VLDLR: variants seen among roughly 807,000 people sequenced by gnomAD.
VLDLR encodes very low-density lipoprotein receptor.
Under a neutral mutation model 112.7 loss-of-function variants are expected in VLDLR, and 81 were observed. The observed-to-expected ratio is 0.72, with a 90% CI of 0.60 to 0.86. The LOEUF (loss-of-function observed/expected upper bound fraction) is 0.86, where lower values mean the gene tolerates loss of function less well. Among genes scored for constraint, VLDLR ranks in the 40% least tolerant of loss-of-function variants. The probability of loss-of-function intolerance (pLI) is 0.00; values close to 1 mark genes in which losing one functional copy is unlikely to be tolerated. For missense variants in VLDLR, 1,237 were observed against 1,099.4 expected (o/e 1.13, Z -1.77); for synonymous variants, 436 against 384.8 (o/e 1.13, Z -1.56).
rs1472137737 is a variant in VLDLR at position 2,656,029 on chromosome 9, A to C, written c.*2161A>C. On this transcript the variant is annotated 3_prime_UTR_variant, in exon 19 of 19. Transcript: ENST00000382100. ...TTGATACTATTGCTTTCCCCATTAT[A>C]AGGATTATACAGTATTAATTAATTA... 6.6e-6 allele frequency: 1 copy of C among 152,100 alleles called. No individual in the cohort carries two copies. Among genetic ancestry groups the C allele is most frequent in the Non-Finnish European group, 1.5e-5 (1 of 68,028 alleles). 9.4% of individuals were successfully genotyped at this position (152,100 alleles called of 1,614,324 possible).
Position 2,621,882 on chromosome 9 carries a change from C to T in VLDLR, c.-308C>T, listed in dbSNP as rs1489140896. The T allele has an allele frequency of 3.3e-6, 2 of 606,826 alleles. No homozygotes were observed. The highest frequency in any genetic ancestry group is 3.1e-6 in the Non-Finnish European group (1 of 325,970). The allele number at this position is 606,826 out of a possible 1,614,324, so 37.6% of individuals were successfully genotyped here. On this transcript the variant is annotated 5_prime_UTR_variant, in exon 1 of 19. Transcript: ENST00000382100. ...GCTCTCGGCTCCCCACCCCCTCTCCCTTCCCTCCTCTCCCCTTGCCTCCCC... is the reference window on the plus strand; with the variant it reads ...GCTCTCGGCTCCCCACCCCCTCTCCTTTCCCTCCTCTCCCCTTGCCTCCCC...
At chr9:2,623,252 C>T (rs925769749) in intron 1 of VLDLR, among the ~76,000 whole-genome samples, 2 of 152,218 alleles carry the variant, frequency 1.3e-5, no homozygotes, top group African/African-American at 4.8e-5. Flanking sequence ...TGGTCGTCAG[C>T]CACGTTCCCA....
chr9:2,658,278 C>A lies in VLDLR; in HGVS notation c.*4410C>A, dbSNP rs957680898. Reference sequence around the variant, plus strand: ...TAACAAACTGATAACAGTGGTGTTCCATCTCTCTATCATGTCTCCTGAGTC... The same window carrying A: ...TAACAAACTGATAACAGTGGTGTTCAATCTCTCTATCATGTCTCCTGAGTC... On this transcript the variant is annotated 3_prime_UTR_variant, in exon 19 of 19. Coordinates refer to ENST00000382100, the MANE Select transcript of VLDLR (RefSeq NM_003383.5). 6.6e-6 allele frequency: 1 copy of A among 152,136 alleles called. No individual in the cohort carries two copies. The highest frequency in any genetic ancestry group is 1.5e-5 in the Non-Finnish European group (1 of 68,034). The allele number at this position is 152,136 out of a possible 1,614,324, so 9.4% of individuals were successfully genotyped here.
At chr9:2,643,033 G>A in intron 4 of VLDLR, 127 bp from the exon 5 acceptor site, 1 of 1,414,732 alleles carries the variant, frequency 7.1e-7, no homozygotes, top group Non-Finnish European at 9.8e-7. Context: ...TAACTCCATT[G>A]TAGCCTTTAA....
chr9:2,622,160 G>T lies in VLDLR; in HGVS notation c.-30G>T. 6.8e-7 allele frequency: 1 copy of T among 1,475,118 alleles called. No individual in the cohort carries two copies. Among genetic ancestry groups the T allele is most frequent in the Non-Finnish European group, 8.9e-7 (1 of 1,118,460 alleles). The allele number at this position is 1,475,118 out of a possible 1,614,324, so 91.4% of individuals were successfully genotyped here. A position where few individuals can be genotyped will look rare whatever the true frequency, so the allele number is the denominator to read the frequency against. The stretch of plus-strand genomic sequence containing the variant: ...GTGCGGAGCGAACGGCGGCGGCGGC[G>T]GCGGCGGCGGCACCATCCAGGCGGG... On this transcript the variant is annotated 5_prime_UTR_variant, in exon 1 of 19. Transcript: ENST00000382100.
In VLDLR at chr9:2,623,078, A is replaced by G. The variant is rs886204789; in HGVS notation, c.82+807A>G. The stretch of plus-strand genomic sequence containing the variant: ...CCTCCTTCCCGGTGACGTTTCCTCG[A>G]GAGGAATTGAGTCCTAGGCTAGTGA... On this transcript the variant is annotated intron_variant, in intron 1 of 18. Transcript: ENST00000382100. Among the ~76,000 whole-genome samples, 3 of 152,184 alleles carry G rather than the reference A, an allele frequency of 2.0e-5. No homozygotes were observed. The East Asian group carries it at 5.8e-4, about 29-fold the overall frequency.
At position 2,650,716 on chromosome 9, in the gene VLDLR, A is replaced by T. The variant is rs113992002; in HGVS notation, c.2251+200A>T. ...TTTCAACATTAAATGAGTTTATAGG[A>T]GACTAAAGTGTCAACATACCTTACA... is the stretch of plus-strand genomic sequence containing the variant. On this transcript the variant is annotated intron_variant, in intron 15 of 18. Coordinates refer to ENST00000382100, the MANE Select transcript of VLDLR (RefSeq NM_003383.5). Among the ~76,000 whole-genome samples, 1,246 of 152,284 alleles carry T rather than the reference A, an allele frequency of 8.2e-3. 15 individuals are homozygous for T. The highest frequency in any genetic ancestry group is 0.028 in the African/African-American group (1,161 of 41,564).
chr9:2,647,659 G>C, intron 12 of VLDLR, 67 bp downstream of exon 12: 1 of 1,378,238 alleles, frequency 7.3e-7, no homozygotes, highest in Non-Finnish European at 1.0e-6. Context: ...TTATCTCCAT[G>C]GTGAATTCTG....
chr9:2,641,554 G>T (rs1817826296), intron 4 of VLDLR, 55 bp downstream of exon 4: 14 of 1,611,656 alleles, frequency 8.7e-6, no homozygotes, highest in Admixed American at 1.7e-5. Flanking sequence ...CTAAAGGAAG[G>T]GTGGGCAGGG....
At chr9:2,629,783 T>C (rs1817255799) in intron 1 of VLDLR, among the ~76,000 whole-genome samples, 1 of 152,182 alleles carries the variant, frequency 6.6e-6, no homozygotes, top group Non-Finnish European at 1.5e-5. Flanking sequence ...CCCGAACTAG[T>C]GTTTTTGTTG....
intron 17 of VLDLR, 82 bp from the exon 18 acceptor site, chr9:2,652,698 A>G: frequency 6.4e-7 from 1 of 1,570,934 alleles, no homozygotes. Flanking sequence ...GTCAATTATT[A>G]TGGATTCCTG....
intron 1 of VLDLR, among the ~76,000 whole-genome samples, chr9:2,623,265 T>G (rs1816921746): frequency 6.6e-6 from 1 of 152,196 alleles, no homozygotes; most frequent in African/African-American, 2.4e-5. Flanking sequence ...CGTTCCCACT[T>G]GGGGCCTCGT....
intron 1 of VLDLR, among the ~76,000 whole-genome samples, chr9:2,626,722 C>T (rs1054293785): frequency 1.3e-5 from 2 of 151,508 alleles, no homozygotes; most frequent in Admixed American, 6.6e-5. Flanking sequence ...TGTATGTAGA[C>T]GAGGTGGTGG....
intron 1 of VLDLR, among the ~76,000 whole-genome samples, chr9:2,622,760 C>T (rs1194820644): frequency 6.6e-6 from 1 of 152,132 alleles, no homozygotes; most frequent in African/African-American, 2.4e-5. Context: ...GCGCCAGGGG[C>T]CGGCCGGGCT....
chr9:2,625,059 C>T (rs534173573), intron 1 of VLDLR, among the ~76,000 whole-genome samples: 1 of 152,346 alleles, frequency 6.6e-6, no homozygotes, highest in African/African-American at 2.4e-5. Flanking sequence ...TGCTATTTAA[C>T]ACTAAACATT....
At chr9:2,651,317 C>T in intron 15 of VLDLR, 98 bp from the exon 16 acceptor site, 2 of 1,013,906 alleles carry the variant, frequency 2.0e-6, no homozygotes, top group Non-Finnish European at 3.1e-6. Flanking sequence ...TCTATTTTAC[C>T]TGGTTTTAAA....
At chr9:2,640,283 A>G (rs1391207994) in intron 3 of VLDLR, among the ~76,000 whole-genome samples, 1 of 152,240 alleles carries the variant, frequency 6.6e-6, no homozygotes, top group African/African-American at 2.4e-5. Flanking sequence ...ATGTCTGTTT[A>G]TAATAACTGA....
At chr9:2,651,066 A>G (rs1455772579) in intron 15 of VLDLR, among the ~76,000 whole-genome samples, 5 of 152,162 alleles carry the variant, frequency 3.3e-5, no homozygotes, top group Non-Finnish European at 5.9e-5. Context: ...TTTACCAAGA[A>G]ATTAGTTGCA....
At chr9:2,633,049 AGAGTGTGT>A (rs1355858073) in intron 1 of VLDLR, among the ~76,000 whole-genome samples, 20 of 107,092 alleles carry the variant, frequency 1.9e-4, no homozygotes, top group South Asian at 1.3e-3. Context: ...AGAGAGAGAG[AGAGTGTGT>A]GTGTGTGTGT....
Sources: gnomAD v4.1 joint callset for allele counts (sites outside exome capture counted in the v4.1 genomes callset) on GRCh38, gnomAD v4.1.1 for gene constraint, MANE v1.5 for transcripts, NCBI Gene and HGNC (gene_info 2026-07-23, HGNC 2026-07-21) for gene names.